GRIK4: variants seen among roughly 807,000 people sequenced by gnomAD.
GRIK4 encodes glutamate ionotropic receptor kainate type subunit 4, also known as glutamate receptor ionotropic, kainate 4.
GRIK4 carries 40 observed loss-of-function variants against 104.9 expected under a neutral mutation model. That is an observed-to-expected ratio of 0.38 (90% CI 0.30 to 0.50). The LOEUF (loss-of-function observed/expected upper bound fraction) is 0.50. Ranked by LOEUF, GRIK4 falls within the 20% of genes least tolerant of loss-of-function variation. The pLI, the probability that GRIK4 is intolerant of heterozygous loss-of-function variation, is 0.93. For synonymous variants in GRIK4, 485 were observed against 524.9 expected (o/e 0.92, Z 1.04); for missense variants, 1,047 against 1,308.1 (o/e 0.80, Z 3.08).
intron 7 of GRIK4, among the ~76,000 whole-genome samples, chr11:120,834,939 G>A (rs537360800): frequency 1.1e-4 from 17 of 152,328 alleles, no homozygotes; most frequent in South Asian, 8.3e-4. Flanking sequence ...GGTCGCATCC[G>A]TCTAGGCAGG....
At chr11:120,909,010 C>T (rs374133899) in intron 13 of GRIK4, among the ~76,000 whole-genome samples, 17 of 152,340 alleles carry the variant, frequency 1.1e-4, no homozygotes, top group East Asian at 3.9e-4. Context: ...AGCCCAAAGA[C>T]GCCTCAGGGC....
At chr11:120,793,830 G>A (rs1325497163) in intron 3 of GRIK4, among the ~76,000 whole-genome samples, 3 of 151,622 alleles carry the variant, frequency 2.0e-5, no homozygotes, top group Non-Finnish European at 4.4e-5. Flanking sequence ...TGAGAGCTGG[G>A]TGGTGGTTAG....
rs1237733104 is a variant in GRIK4 at position 120,905,846 on chromosome 11, G to T, written c.1476+353G>T. Among the ~76,000 whole-genome samples, 2 of 152,170 alleles carry T rather than the reference G, an allele frequency of 1.3e-5. No individual in the cohort carries two copies. The highest frequency in any genetic ancestry group is 2.9e-5 in the Non-Finnish European group (2 of 68,022). On this transcript the variant is annotated intron_variant, in intron 13 of 20. Coordinates refer to ENST00000527524, the MANE Select transcript of GRIK4 (RefSeq NM_014619.5). The surrounding 1 kb of genome is among the most constrained non-coding windows in gnomAD (Gnocchi z 5.1). ...AGCACTCCCTAGCAGAGCTTGAACAGGTCCTGGGAGAAGAGAATGCACCCA... is the reference window on the plus strand; with the variant it reads ...AGCACTCCCTAGCAGAGCTTGAACATGTCCTGGGAGAAGAGAATGCACCCA...
chr11:120,880,280 A>G (rs1261138963), intron 11 of GRIK4, among the ~76,000 whole-genome samples: 2 of 152,234 alleles, frequency 1.3e-5, no homozygotes, highest in East Asian at 1.9e-4. Flanking sequence ...CTCTACTGAC[A>G]TAGTAGCTAA....
chr11:120,601,856 G>T (rs941059705), intron 1 of GRIK4, among the ~76,000 whole-genome samples: 3 of 152,106 alleles, frequency 2.0e-5, no homozygotes, highest in Admixed American at 2.0e-4. Context: ...ATGAGAGGAA[G>T]AGAGCAGCAT....
At chr11:120,519,071 C>CT (rs1189750361) in intron 1 of GRIK4, among the ~76,000 whole-genome samples, 3 of 152,214 alleles carry the variant, frequency 2.0e-5, no homozygotes, top group African/African-American at 7.2e-5. Flanking sequence ...CTTTAAGGCA[C>CT]TAGAGCATGG....
chr11:120,783,287 T>C (rs1952198545), intron 3 of GRIK4, among the ~76,000 whole-genome samples: 1 of 152,240 alleles, frequency 6.6e-6, no homozygotes, highest in Non-Finnish European at 1.5e-5. Context: ...TCTGAGAATG[T>C]GCGTGCATCA....
chr11:120,536,276 CT>C (rs1400661087), intron 1 of GRIK4, among the ~76,000 whole-genome samples: 3 of 152,264 alleles, frequency 2.0e-5, no homozygotes, highest in African/African-American at 7.2e-5. Flanking sequence ...GCTCGCGGGG[CT>C]GGCAGCAGTT....
At chr11:120,590,144 G>T (rs146533654) in intron 1 of GRIK4, among the ~76,000 whole-genome samples, 2 of 152,240 alleles carry the variant, frequency 1.3e-5, no homozygotes, top group Non-Finnish European at 2.9e-5. Context: ...TTTCTCTTTA[G>T]TGTTTCAACC....
intron 8 of GRIK4, among the ~76,000 whole-genome samples, chr11:120,837,313 T>C (rs1953598598): frequency 6.6e-6 from 1 of 152,226 alleles, no homozygotes; most frequent in Non-Finnish European, 1.5e-5. Flanking sequence ...GTTAACCCTG[T>C]AGCATCTGAC....
chr11:120,741,062 C>G (rs999431249), intron 3 of GRIK4, among the ~76,000 whole-genome samples: 5 of 152,074 alleles, frequency 3.3e-5, no homozygotes, highest in Admixed American at 3.3e-4. Flanking sequence ...TCCAGAACCC[C>G]ACTGCTGTGC....
intron 12 of GRIK4, among the ~76,000 whole-genome samples, chr11:120,904,498 TCTC>T (rs1942821342): frequency 6.6e-6 from 1 of 152,230 alleles, no homozygotes; most frequent in African/African-American, 2.4e-5. Context: ...GGATGCTTCC[TCTC>T]CTACTACTTA....
intron 13 of GRIK4, among the ~76,000 whole-genome samples, chr11:120,923,144 C>T (rs147898962): frequency 3.9e-5 from 6 of 152,216 alleles, no homozygotes; most frequent in East Asian, 1.9e-4. Context: ...TAGGTGTGGC[C>T]GGTAAGTCCA....
rs76919267 is a variant in GRIK4, at chr11:120,516,200, C to T, written c.-159+4313C>T. ...GGGTGGGCAGGACCCTTCTCTCCCA[C>T]AGGGTGATAGTTTGGGTGGATAGCA... On this transcript the variant is annotated intron_variant, in intron 1 of 20. Transcript: ENST00000527524. Among the ~76,000 whole-genome samples the T allele has an allele frequency of 9.3e-3, 1,419 of 152,314 alleles. 77 individuals carry two copies. The South Asian group carries it at 0.14, about 15-fold the overall frequency.
intron 3 of GRIK4, among the ~76,000 whole-genome samples, chr11:120,752,729 C>T (rs1483715882): frequency 6.6e-6 from 1 of 152,210 alleles, no homozygotes; most frequent in East Asian, 1.9e-4. Context: ...AGTCTCCTGC[C>T]CCCCAGCCCA....
chr11:120,670,076 T>C (rs1949988959), intron 3 of GRIK4, among the ~76,000 whole-genome samples: 1 of 152,236 alleles, frequency 6.6e-6, no homozygotes, highest in Non-Finnish European at 1.5e-5. Flanking sequence ...GGAGTCATCC[T>C]TGGTCTCATC....
At chr11:120,977,772 A>G (rs1398306080) in intron 19 of GRIK4, among the ~76,000 whole-genome samples, 1 of 151,840 alleles carries the variant, frequency 6.6e-6, no homozygotes, top group Non-Finnish European at 1.5e-5. Flanking sequence ...TTAAACCTCA[A>G]CTCCCCTCAA....
intron 13 of GRIK4, among the ~76,000 whole-genome samples, chr11:120,934,951 A>G (rs931332664): frequency 6.6e-5 from 10 of 152,094 alleles, no homozygotes; most frequent in Admixed American, 6.5e-4. Context: ...CCTTCCCCAG[A>G]TGGCCCCTTC....
chr11:120,953,278 G>A lies in GRIK4; in HGVS notation c.1700+314G>A, dbSNP rs1368004086. 6.6e-6 allele frequency among the ~76,000 whole-genome samples: 1 copy of A among 152,152 alleles called. No homozygotes were observed. The highest frequency in any genetic ancestry group is 2.4e-5 in the African/African-American group (1 of 41,446). ...AGCCCCTTGCTTGTGTAGGAGCCCT[G>A]GGAAGAGAGGAGGGGTGGGGTTGGC... On this transcript the variant is annotated intron_variant, in intron 15 of 20. Transcript: ENST00000527524. This position sits in a 1 kb window ranked among gnomAD's most constrained non-coding sequence, Gnocchi z 4.9.
Sources: gnomAD v4.1 joint callset for allele counts (sites outside exome capture counted in the v4.1 genomes callset) on GRCh38, gnomAD v4.1.1 for gene constraint, Gnocchi (gnomAD v3.1) non-coding constraint, MANE v1.5 for transcripts, NCBI Gene and HGNC (gene_info 2026-07-23, HGNC 2026-07-21) for gene names.